The following EIF3B variants were observed in gnomAD, a reference collection of about 807,000 sequenced individuals.
EIF3B encodes the protein eukaryotic translation initiation factor 3 subunit 9.
In EIF3B, 10 loss-of-function variants were observed where a neutral mutation model predicts 104.6. That is an observed-to-expected ratio of 0.10 (90% CI 0.06 to 0.16). EIF3B has a LOEUF of 0.16. EIF3B is among the 10% of genes least tolerant of loss of function. The pLI is 1.00. For missense variants in EIF3B, 1,014 were observed against 1,087.9 expected (o/e 0.93, Z 0.96); for synonymous variants, 542 against 417.2 (o/e 1.30, Z -3.65).
At chr7:2,372,522 T>C in intron 11 of EIF3B, 151 bp from the exon 12 acceptor site, 3 of 928,834 alleles carry the variant, frequency 3.2e-6, no homozygotes, top group Non-Finnish European at 4.8e-6. Context: ...ATGTGCACCT[T>C]TCCTGCTGTT....
At chr7:2,370,883 G>C (rs180741011) in intron 10 of EIF3B, among the ~76,000 whole-genome samples, 1 of 152,294 alleles carries the variant, frequency 6.6e-6, no homozygotes, top group Non-Finnish European at 1.5e-5. Context: ...GGGTTTAGTA[G>C]AAACCCCGTC....
At chr7:2,379,999 G>A (rs1017861063) in intron 18 of EIF3B, 4 of 258,704 alleles carry the variant, frequency 1.5e-5, no homozygotes, top group Non-Finnish European at 3.1e-5. Flanking sequence ...TGGGACAGAA[G>A]GCCTAATGGG....
chr7:2,374,460 C>T, intron 12 of EIF3B, 68 bp from the exon 13 acceptor site: 1 of 1,515,210 alleles, frequency 6.6e-7, no homozygotes, highest in Non-Finnish European at 9.1e-7. Flanking sequence ...GCCAAGTCCT[C>T]CAGCCTTGGC....
At position 2,379,119 on chromosome 7, in the gene EIF3B, C is replaced by G; in HGVS notation, c.2233-15C>G. 6.2e-7 allele frequency: 1 copy of G among 1,611,876 alleles called. No homozygotes were observed. The highest frequency in any genetic ancestry group is 2.2e-5 in the East Asian group (1 of 44,872). On this transcript the variant is annotated splice_polypyrimidine_tract_variant and intron_variant, in intron 16 of 18. Coordinates refer to ENST00000360876, the MANE Select transcript of EIF3B (RefSeq NM_001037283.2). Reference sequence around the variant, plus strand: ...TGTCTTACCAGTTCTGTGCTTTCCCCAACCTCATGCATAGGAATTGGTGGA... The same window carrying G: ...TGTCTTACCAGTTCTGTGCTTTCCCGAACCTCATGCATAGGAATTGGTGGA...
intron 1 of EIF3B, 59 bp downstream of exon 1, chr7:2,355,479 G>A: frequency 1.4e-6 from 2 of 1,397,728 alleles, no homozygotes; most frequent in Non-Finnish European, 1.9e-6. Flanking sequence ...GGGTTCCCGA[G>A]GTGGGAGATA....
intron 15 of EIF3B, chr7:2,378,394 T>C (rs1780791433): frequency 3.4e-6 from 1 of 293,286 alleles, no homozygotes; most frequent in East Asian, 6.4e-5. Flanking sequence ...GATGCTGTGT[T>C]GTGTGAATGA....
In EIF3B at chr7:2,354,877, A is replaced by G. The variant is rs1779297832; in HGVS notation, c.-45A>G. On this transcript the variant is annotated 5_prime_UTR_variant, in exon 1 of 19. Coordinates refer to ENST00000360876, the MANE Select transcript of EIF3B (RefSeq NM_001037283.2). ...GCGCGGTGCGGCCTGGGAGAGTCGG[A>G]AGCGCGGCGGCCGCGGAGCCCTGCG... The G allele has an allele frequency of 8.7e-5, 99 of 1,138,362 alleles. No homozygotes were observed. The highest frequency in any genetic ancestry group is 1.1e-4 in the Non-Finnish European group (98 of 929,790). The allele number at this position is 1,138,362 out of a possible 1,614,324, so 70.5% of individuals were successfully genotyped here.
intron 12 of EIF3B, 189 bp downstream of exon 12, chr7:2,372,984 G>C (rs1295103342): frequency 8.3e-6 from 4 of 481,302 alleles, no homozygotes; most frequent in Non-Finnish European, 6.9e-6. Context: ...CTTGCAGGGT[G>C]TCTCTCTGAG....
intron 14 of EIF3B, 49 bp from the exon 15 acceptor site, chr7:2,376,901 G>A (rs1780660488): frequency 6.3e-7 from 1 of 1,583,372 alleles, no homozygotes; most frequent in Non-Finnish European, 8.6e-7. Context: ...AGTCACGGTT[G>A]TGGCTCTCTG....
chr7:2,379,607 G>A, intron 18 of EIF3B, 96 bp downstream of exon 18: 1 of 773,204 alleles, frequency 1.3e-6, no homozygotes, highest in Non-Finnish European at 2.2e-6. Context: ...TTAAGGCAGG[G>A]GTGAAGGGTG....
chr7:2,376,313 A>G (rs4721658), intron 14 of EIF3B: 40,726 of 147,328 alleles, frequency 0.28, 6,513 homozygotes, highest in African/African-American at 0.45. Context: ...TGAGCAACAT[A>G]GCGAAACCCT....
At chr7:2,369,709 G>A (rs374063867) in intron 10 of EIF3B, 27 bp downstream of exon 10, 6 of 1,599,330 alleles carry the variant, frequency 3.8e-6, no homozygotes, top group African/African-American at 1.3e-5. Context: ...AGGAACTGAC[G>A]ATTCCTTATC....
At chr7:2,367,825 A>ATTTTTTTTTTTTTTTT (rs71026506) in intron 9 of EIF3B, among the ~76,000 whole-genome samples, 11 of 60,294 alleles carry the variant, frequency 1.8e-4, no homozygotes, top group African/African-American at 6.9e-4. Context: ...TTTTTTTAAA[A>ATTTTTTTTTTTTTTTT]TTTTTTTTTT....
chr7:2,371,044 C>G (rs961221970), intron 10 of EIF3B, among the ~76,000 whole-genome samples: 6 of 152,200 alleles, frequency 3.9e-5, no homozygotes, highest in Non-Finnish European at 8.8e-5. Context: ...GCCTGGGCAA[C>G]AGAGTGAGAC....
At chr7:2,372,534 C>A in intron 11 of EIF3B, 139 bp from the exon 12 acceptor site, 3 of 1,059,936 alleles carry the variant, frequency 2.8e-6, no homozygotes, top group Non-Finnish European at 4.1e-6. Flanking sequence ...CCTGCTGTTG[C>A]TTGCTCTCCC....
chr7:2,368,442 G>C (rs369174337), intron 9 of EIF3B, among the ~76,000 whole-genome samples: 2 of 152,186 alleles, frequency 1.3e-5, no homozygotes, highest in African/African-American at 4.8e-5. Context: ...GAGCCACCGC[G>C]CCCGGCCTAA....
chr7:2,378,671 A>T lies in EIF3B; in HGVS notation c.2155-18A>T, dbSNP rs1387110366. On this transcript the variant is annotated intron_variant, in intron 15 of 18. Transcript: ENST00000360876. Reference sequence around the variant, plus strand: ...TGCTTTGAATGTTAAATCCTGAGTGATGGGTCTTTTGTTTCAGCAAATTAA... The same window carrying T: ...TGCTTTGAATGTTAAATCCTGAGTGTTGGGTCTTTTGTTTCAGCAAATTAA... The T allele has an allele frequency of 6.2e-7, 1 of 1,607,802 alleles. No individual in the cohort carries two copies. The highest frequency in any genetic ancestry group is 8.5e-7 in the Non-Finnish European group (1 of 1,174,418).
At chr7:2,379,891 A>G (rs937937809) in intron 18 of EIF3B, 33 of 268,346 alleles carry the variant, frequency 1.2e-4, no homozygotes, top group African/African-American at 7.2e-4. Context: ...TGGTTTCAGC[A>G]GTTCTGAGAC....
At chr7:2,356,039 A>G (rs1040054396) in intron 1 of EIF3B, among the ~76,000 whole-genome samples, 3 of 152,176 alleles carry the variant, frequency 2.0e-5, no homozygotes, top group Admixed American at 6.6e-5. Flanking sequence ...CTTTGCCTTC[A>G]TCTCAACCTT....
Sources: allele counts gnomAD v4.1 joint callset (sites outside exome capture counted in the v4.1 genomes callset), GRCh38; gene constraint gnomAD v4.1.1; transcripts MANE v1.5; gene names NCBI Gene and HGNC (gene_info 2026-07-23, HGNC 2026-07-21).